Variants in SLC4A4 observed in about 807,000 individuals in gnomAD.
SLC4A4 encodes solute carrier family 4 member 4.
SLC4A4 carries 27 observed loss-of-function variants against 111.5 expected under a neutral mutation model. The ratio of observed to expected loss-of-function variants is 0.24; its 90% CI spans 0.18 to 0.33. The LOEUF (loss-of-function observed/expected upper bound fraction) is 0.33, where lower values mean the gene tolerates loss of function less well. SLC4A4 is among the 10% of genes least tolerant of loss of function. The probability of loss-of-function intolerance (pLI) is 1.00; values close to 1 mark genes in which losing one functional copy is unlikely to be tolerated. For missense variants in SLC4A4, 909 were observed against 1,315.5 expected (o/e 0.69, Z 4.78); for synonymous variants, 443 against 463.4 (o/e 0.96, Z 0.57).
chr4:71,284,463 C>T (rs1578751707), intron 3 of SLC4A4, among the ~76,000 whole-genome samples: 1 of 152,188 alleles, frequency 6.6e-6, no homozygotes, highest in African/African-American at 2.4e-5. Context: ...GAGATTTTGA[C>T]CCTTTGGTCT....
rs117325832 is a variant in SLC4A4 at position 71,471,635 on chromosome 4, C to T, written c.1632-1064C>T. Among the ~76,000 whole-genome samples, 154 of 151,972 alleles carry T rather than the reference C, an allele frequency of 1.0e-3. 3 individuals are homozygous for T. The East Asian group carries it at 0.012, about 12-fold the overall frequency. On this transcript the variant is annotated intron_variant, in intron 13 of 25. Transcript: ENST00000264485. ...AAGTAATACCTACTACCCGCTTTTT[C>T]GTCACAAATAAATAGAGTTTAAAAA...
At chr4:71,492,734 T>C (rs569820447) in intron 15 of SLC4A4, among the ~76,000 whole-genome samples, 14 of 152,130 alleles carry the variant, frequency 9.2e-5, no homozygotes, top group African/African-American at 3.4e-4. Flanking sequence ...TCGCTTTTAT[T>C]CCCTTTTGTT....
rs1729666472 is a variant in SLC4A4 at position 71,349,908 on chromosome 4, C to T, written c.390-4C>T. ...ATTGCTCTTCACTAATCTCATCTTCCTAGGTGGATCAAGTTTGAAGAAAAA... is the reference window on the plus strand; with the variant it reads ...ATTGCTCTTCACTAATCTCATCTTCTTAGGTGGATCAAGTTTGAAGAAAAA... On this transcript the variant is annotated splice_region_variant and splice_polypyrimidine_tract_variant and intron_variant, in intron 4 of 25. Coordinates refer to ENST00000264485, the MANE Select transcript of SLC4A4 (RefSeq NM_001098484.3). 2 of 1,613,948 alleles carry T rather than the reference C, an allele frequency of 1.2e-6. No homozygotes were observed. The highest frequency in any genetic ancestry group is 1.1e-5 in the South Asian group (1 of 91,082).
chr4:71,515,555 A>G (rs1410901248), intron 16 of SLC4A4, among the ~76,000 whole-genome samples: 1 of 152,158 alleles, frequency 6.6e-6, no homozygotes, highest in Non-Finnish European at 1.5e-5. Flanking sequence ...TTATCTATTT[A>G]ATGCTGACAA....
intron 16 of SLC4A4, among the ~76,000 whole-genome samples, chr4:71,510,701 C>T (rs902218402): frequency 6.6e-6 from 1 of 152,086 alleles, no homozygotes; most frequent in Admixed American, 6.6e-5. Flanking sequence ...AGAATTTAAC[C>T]CATTTACATT....
At chr4:71,175,687 C>T (rs1213064124) in intron 2 of SLC4A4, among the ~76,000 whole-genome samples, 1 of 152,132 alleles carries the variant, frequency 6.6e-6, no homozygotes, top group Non-Finnish European at 1.5e-5. Context: ...CAGGAAGCTC[C>T]AACTGGGTGG....
chr4:71,500,690 A>G (rs1730838308), intron 16 of SLC4A4, among the ~76,000 whole-genome samples: 2 of 152,160 alleles, frequency 1.3e-5, no homozygotes, highest in East Asian at 3.9e-4. Context: ...CTGCATGTTG[A>G]TATCTAGTTC....
chr4:71,300,073 C>T (rs1298169036), intron 3 of SLC4A4, among the ~76,000 whole-genome samples: 1 of 152,158 alleles, frequency 6.6e-6, no homozygotes, highest in East Asian at 1.9e-4. Flanking sequence ...TTTCATGTCT[C>T]CTAGGGCTAC....
intron 7 of SLC4A4, among the ~76,000 whole-genome samples, chr4:71,417,383 G>A (rs1721921041): frequency 6.6e-6 from 1 of 152,160 alleles, no homozygotes; most frequent in African/African-American, 2.4e-5. Flanking sequence ...CCTGGCTAGA[G>A]TTCAGAGGCA....
chr4:71,409,249 G>C (rs1721144435), intron 7 of SLC4A4, among the ~76,000 whole-genome samples: 1 of 152,244 alleles, frequency 6.6e-6, no homozygotes, highest in East Asian at 1.9e-4. Context: ...GTAACAGGCA[G>C]AGGCTGGAAC....
intron 10 of SLC4A4, 67 bp from the exon 11 acceptor site, chr4:71,451,121 T>C: frequency 1.9e-6 from 2 of 1,030,752 alleles, no homozygotes; most frequent in Admixed American, 1.8e-5. Context: ...AGCCAGAGCA[T>C]GATACAGCTA....
intron 3 of SLC4A4, among the ~76,000 whole-genome samples, chr4:71,262,786 A>G (rs934085479): frequency 6.6e-6 from 1 of 151,772 alleles, no homozygotes; most frequent in Non-Finnish European, 1.5e-5. Context: ...AGCAAACAGT[A>G]TTTATTCCCC....
intron 2 of SLC4A4, among the ~76,000 whole-genome samples, chr4:71,249,734 CA>C (rs945751510): frequency 1.3e-4 from 19 of 151,970 alleles, no homozygotes; most frequent in Middle Eastern, 3.4e-3. Flanking sequence ...ACCAAAAATA[CA>C]AAAAAACTAG....
At chr4:71,248,343 A>G (rs1023050301) in intron 2 of SLC4A4, among the ~76,000 whole-genome samples, 1 of 151,778 alleles carries the variant, frequency 6.6e-6, no homozygotes, top group Non-Finnish European at 1.5e-5. Context: ...TTAATTCAGA[A>G]TGTGCATTAA....
chr4:71,521,150 A>G (rs897079900), intron 16 of SLC4A4, among the ~76,000 whole-genome samples: 6 of 152,204 alleles, frequency 3.9e-5, no homozygotes, highest in African/African-American at 1.4e-4. Flanking sequence ...GAGCCACCAC[A>G]TCTGGCTCCT....
At chr4:71,346,595 T>G (rs1040968309) in intron 4 of SLC4A4, among the ~76,000 whole-genome samples, 19 of 151,938 alleles carry the variant, frequency 1.3e-4, no homozygotes, top group Admixed American at 4.6e-4. Flanking sequence ...TTGAATAGGG[T>G]GAACTTTGGT....
At chr4:71,067,062 C>T (rs1183172146) in intron 1 of SLC4A4, among the ~76,000 whole-genome samples, 1 of 151,584 alleles carries the variant, frequency 6.6e-6, no homozygotes, top group Non-Finnish European at 1.5e-5. Context: ...GGCAGAGGGC[C>T]AGAACTAAGG....
At chr4:71,376,606 T>A (rs868702548) in intron 6 of SLC4A4, among the ~76,000 whole-genome samples, 18 of 148,390 alleles carry the variant, frequency 1.2e-4, no homozygotes, top group Middle Eastern at 7.1e-3. Context: ...TATATATGTT[T>A]AAAATATATA....
intron 3 of SLC4A4, among the ~76,000 whole-genome samples, chr4:71,328,900 A>G (rs1319792400): frequency 6.6e-6 from 1 of 151,930 alleles, no homozygotes; most frequent in Non-Finnish European, 1.5e-5. Context: ...TGCCCAGTCC[A>G]ATATCCTGGA....
Sources: gnomAD v4.1 joint callset for allele counts (sites outside exome capture counted in the v4.1 genomes callset) on GRCh38, gnomAD v4.1.1 for gene constraint, MANE v1.5 for transcripts, NCBI Gene and HGNC (gene_info 2026-07-23, HGNC 2026-07-21) for gene names.